CFAP65: variants seen among roughly 807,000 people sequenced by gnomAD.
CFAP65 encodes cilia and flagella associated protein 65, also known as cilia- and flagella-associated protein 65.
Under a neutral mutation model 208.0 loss-of-function variants are expected in CFAP65, and 155 were observed. That is an observed-to-expected ratio of 0.75 (90% confidence interval 0.65 to 0.85). CFAP65 has a LOEUF of 0.85. CFAP65 is among the 40% of genes least tolerant of loss of function. CFAP65 has a pLI of 0.00. For synonymous variants in CFAP65, 970 were observed against 986.3 expected, an observed-to-expected ratio of 0.98 and a Z score of 0.31; for missense variants, 2,294 against 2,451.3, an observed-to-expected ratio of 0.94 and a Z score of 1.36.
In CFAP65 at chr2:219,004,710, G is replaced by C. The variant is rs1945810990; in HGVS notation, c.5052-255C>G. On this transcript the variant is annotated intron_variant, in intron 32 of 34. Transcript: ENST00000341552. This position sits in a 1 kb window ranked among gnomAD's most constrained non-coding sequence, Gnocchi z 4.7. ...ACATGATGGGCAGGAACCCTGGGGAGATAGTGGACTGGCTCCAGACTCATC... is the reference window on the plus strand; with the variant it reads ...ACATGATGGGCAGGAACCCTGGGGACATAGTGGACTGGCTCCAGACTCATC... Among the ~76,000 whole-genome samples, 1 of 151,306 alleles carries C rather than the reference G, an allele frequency of 6.6e-6. No homozygotes were observed.
At chr2:219,005,345 A>G in intron 32 of CFAP65, 89 bp downstream of exon 32, 1 of 1,536,324 alleles carries the variant, frequency 6.5e-7, no homozygotes, top group Non-Finnish European at 9.0e-7. Flanking sequence ...TTCTCAAGAA[A>G]GGAAGAGTGC....
chr2:219,007,470 G>A (rs1295444559), intron 29 of CFAP65, among the ~76,000 whole-genome samples: 4 of 151,768 alleles, frequency 2.6e-5, no homozygotes, highest in Admixed American at 6.6e-5. Context: ...GTGAGCCACC[G>A]CGCCTGGCCT....
At position 219,004,335 on chromosome 2, in the gene CFAP65, G is replaced by T. The variant is rs1225124086; in HGVS notation, c.5172C>A (p.Ser1724Arg). The T allele has an allele frequency of 6.2e-7, 1 of 1,614,128 alleles. No individual in the cohort carries two copies. The highest frequency in any genetic ancestry group is 8.5e-7 in the Non-Finnish European group (1 of 1,180,050). ...QSTKFMDQKN[S>R]LYLMPILPVP... ...CAGGCAGGATTGGCATTAAGTACAG[G>T]CTGTTTTTCTGGTCCATGAACTTAG... is the stretch of plus-strand genomic sequence containing the variant. Residue 1724 changes from serine to arginine, a missense_variant, in exon 33 of 35, where the codon AGC becomes AGA. Around this residue, in one of 2 missense-constraint regions of CFAP65, gnomAD observed 1,427 missense variants for 1,438.7 expected, o/e 0.99. Coordinates refer to ENST00000341552, the MANE Select transcript of CFAP65 (RefSeq NM_194302.4). This position sits in a 1 kb window ranked among gnomAD's most constrained non-coding sequence, Gnocchi z 4.7.
At chr2:219,020,142 A>G (rs1947183709) in intron 19 of CFAP65, among the ~76,000 whole-genome samples, 1 of 152,172 alleles carries the variant, frequency 6.6e-6, no homozygotes, top group South Asian at 2.1e-4. Context: ...CCTAGTACCA[A>G]TTAGCCATCC....
chr2:219,006,623 CAG>C, intron 29 of CFAP65, 114 bp from the exon 30 acceptor site: 1 of 1,013,252 alleles, frequency 9.9e-7, no homozygotes, highest in Non-Finnish European at 1.5e-6. Context: ...CACCTGAGAT[CAG>C]AAGTTTGAGA....
At position 219,031,082 on chromosome 2, in the gene CFAP65, G is replaced by C; in HGVS notation, c.1015+24C>G. The stretch of plus-strand genomic sequence containing the variant: ...GAAGGTGCAGGAGGGGCCAGTCTGG[G>C]GACGGTGGGAGGTTGGGCCTCACCC... On this transcript the variant is annotated intron_variant, in intron 8 of 34. Transcript: ENST00000341552. The surrounding 1 kb of genome is among the most constrained non-coding windows in gnomAD (Gnocchi z 5.2). 6.4e-7 allele frequency: 1 copy of C among 1,564,360 alleles called. No individual in the cohort carries two copies. Among genetic ancestry groups the C allele is most frequent in the Non-Finnish European group, 8.7e-7 (1 of 1,154,294 alleles).
rs1294717994 is a variant in CFAP65, at chr2:219,006,471, C to G, written c.4713G>C (p.Lys1571Asn). ...TCCTACEPAR[K>N]YKTLPPIKNQ... ...CTGGGGCTCGCCGCCTCACCTTGTA[C>G]TTCCTCGCAGGTTCACAGGCTGTGC... The change falls in exon 30 of 35, where the codon AAG becomes AAC. Residue 1571 changes from lysine to asparagine, a missense_variant. Lys to Asn is a moderately conservative substitution (Grantham distance 94, BLOSUM62 0). This residue lies in a region of CFAP65 where 1,427 missense variants were observed against 1,438.7 expected (regional missense o/e 0.99). Coordinates refer to ENST00000341552, the MANE Select transcript of CFAP65 (RefSeq NM_194302.4). 1.2e-6 allele frequency: 2 copies of G among 1,613,774 alleles called. No homozygotes were observed. Among genetic ancestry groups the G allele is most frequent in the Non-Finnish European group, 1.7e-6 (2 of 1,180,000 alleles).
Position 219,019,493 on chromosome 2 carries a change from A to G in CFAP65, c.3473+13T>C, listed in dbSNP as rs1055499962. ...TGCCCCCAGCCCCCACCCCCACTCCAGGCTCAGCTCACCTGTGCCGGGTGG... is the reference window on the plus strand; with the variant it reads ...TGCCCCCAGCCCCCACCCCCACTCCGGGCTCAGCTCACCTGTGCCGGGTGG... On this transcript the variant is annotated intron_variant, in intron 20 of 34. Coordinates refer to ENST00000341552, the MANE Select transcript of CFAP65 (RefSeq NM_194302.4). 2 of 1,605,826 alleles carry G rather than the reference A, an allele frequency of 1.2e-6. No homozygotes were observed. Among genetic ancestry groups the G allele is most frequent in the African/African-American group, 1.3e-5 (1 of 74,778 alleles).
intron 21 of CFAP65, 168 bp from the exon 22 acceptor site, chr2:219,014,212 G>A: frequency 1.9e-6 from 1 of 527,780 alleles, no homozygotes. Flanking sequence ...GGCTGTTGTG[G>A]ATTCTCGTTT....
rs1947152326 is a variant in CFAP65 at position 219,019,723 on chromosome 2, G to A, written c.3260-4C>T. The A allele has an allele frequency of 6.2e-7, 1 of 1,612,448 alleles. No homozygotes were observed. The highest frequency in any genetic ancestry group is 1.7e-4 in the Middle Eastern group (1 of 5,990). Reference sequence around the variant, plus strand: ...TGCTTCTCCCCAGCCTTGTTATCTGGGGAGGGGGGTGAGGAAGACAGAAGT... The same window carrying A: ...TGCTTCTCCCCAGCCTTGTTATCTGAGGAGGGGGGTGAGGAAGACAGAAGT... On this transcript the variant is annotated splice_polypyrimidine_tract_variant and splice_region_variant and intron_variant, in intron 19 of 34. Coordinates refer to ENST00000341552, the MANE Select transcript of CFAP65 (RefSeq NM_194302.4).
chr2:219,006,056 GT>G lies in CFAP65; in HGVS notation c.4886del (p.Asn1629ThrfsTer54), dbSNP rs759157817. 3.5e-5 allele frequency: 56 copies of G among 1,613,278 alleles called. No individual in the cohort carries two copies. The highest frequency in any genetic ancestry group is 4.2e-5 in the Non-Finnish European group (49 of 1,180,038). Reference sequence around the variant, plus strand: ...AGTGGCAGGGAAACTCTGAGAAGAAGTTAGCCAGAAAGTAGTCGGTGGCATG... The same window carrying G: ...AGTGGCAGGGAAACTCTGAGAAGAAGTAGCCAGAAAGTAGTCGGTGGCATG... ...RAHATDYFLA[N>X]FFSEFPCHFL... On this transcript the variant is annotated frameshift_variant, in exon 31 of 35. Transcript: ENST00000341552. LOFTEE classifies it high-confidence loss of function.
chr2:219,041,451 A>T (rs1198268402), intron 1 of CFAP65, 37 bp downstream of exon 1: 5 of 1,549,756 alleles, frequency 3.2e-6, no homozygotes, highest in Non-Finnish European at 4.4e-6. Flanking sequence ...CCGCTCCCTG[A>T]GACCCTGGGA....
At position 219,024,042 on chromosome 2, in the gene CFAP65, C is replaced by T. The variant is rs748313090; in HGVS notation, c.2568G>A (p.Gln856=). ...TGAGATACTGGGGGGAAGCATTGCA[C>T]TGCAGATAGAAAGTGTGCTGCTTCC... ...SSWKQHTFYL[Q]CNASPQYLKE... The change falls in exon 15 of 35, where the codon CAG becomes CAA. Residue 856 remains glutamine, a synonymous_variant. Transcript: ENST00000341552. 5.6e-6 allele frequency: 9 copies of T among 1,613,880 alleles called. No homozygotes were observed. The Admixed American group carries it at 8.3e-5, about 15-fold the overall frequency.
chr2:219,040,183 C>T (rs556553450), intron 2 of CFAP65, among the ~76,000 whole-genome samples: 3 of 152,242 alleles, frequency 2.0e-5, no homozygotes, highest in Admixed American at 2.0e-4. Flanking sequence ...TTTATGATTA[C>T]GTGTGACTTG....
chr2:219,025,952 G>A (rs1214678736), intron 14 of CFAP65, 70 bp downstream of exon 14: 6 of 1,564,720 alleles, frequency 3.8e-6, no homozygotes, highest in Non-Finnish European at 8.8e-7. Flanking sequence ...AATGGGAGAG[G>A]GATCTGCAGG....
chr2:219,037,755 AC>A (rs779481597), intron 4 of CFAP65, among the ~76,000 whole-genome samples: 3 of 152,052 alleles, frequency 2.0e-5, no homozygotes, highest in Non-Finnish European at 4.4e-5. Flanking sequence ...TTAAAACATG[AC>A]CCTCAGTCCA....
chr2:219,025,841 C>G (rs377683129), intron 14 of CFAP65, among the ~76,000 whole-genome samples, 181 bp downstream of exon 14: 35 of 152,292 alleles, frequency 2.3e-4, no homozygotes, highest in South Asian at 2.3e-3. Context: ...GTGTCGGGGC[C>G]CAGGAGCAAG....
chr2:219,009,069 G>T lies in CFAP65; in HGVS notation c.4652C>A (p.Thr1551Asn), dbSNP rs1946239826. The change falls in exon 29 of 35, where the codon ACC (threonine) becomes AAC (asparagine). Residue 1551 changes from threonine (T) to asparagine (N), a missense_variant. Transcript: ENST00000341552. The part of the protein sequence containing the change: ...DEKVRQEVEF[T>N]ITDMKVKKRT... ...CACCTTCACTTTCATGTCGGTGATG[G>T]TGAACTCCACTTCCTGCCGCACCTT... 1 of 1,612,690 alleles carries T rather than the reference G, an allele frequency of 6.2e-7. No individual in the cohort carries two copies. The highest frequency in any genetic ancestry group is 1.1e-5 in the South Asian group (1 of 91,082).
rs764325073 is a variant in CFAP65, at chr2:219,035,681, G to A, written c.358-17C>T. ...GCTTGCGGGCTGTTCAGGTGGCAGGGAGAAGGGGGAGCAGAAAGGATGTAT... is the reference window on the plus strand; with the variant it reads ...GCTTGCGGGCTGTTCAGGTGGCAGGAAGAAGGGGGAGCAGAAAGGATGTAT... On this transcript the variant is annotated splice_polypyrimidine_tract_variant and intron_variant, in intron 4 of 34. Coordinates refer to ENST00000341552, the MANE Select transcript of CFAP65 (RefSeq NM_194302.4). The A allele has an allele frequency of 1.9e-6, 3 of 1,598,990 alleles. No homozygotes were observed. In the South Asian group the frequency reaches 3.4e-5, roughly 18 times the overall value.
Sources: gnomAD v4.1 joint callset for allele counts (sites outside exome capture counted in the v4.1 genomes callset) on GRCh38, gnomAD v4.1.1 for gene constraint, gnomAD v4.1.1 regional missense constraint, Gnocchi (gnomAD v3.1) non-coding constraint, MANE v1.5 for transcripts, NCBI Gene and HGNC (gene_info 2026-07-23, HGNC 2026-07-21) for gene names.